The following PPEF1 variants were observed in gnomAD, a reference collection of about 807,000 sequenced individuals.
The protein encoded by PPEF1 is protein phosphatase with EF-hand domain 1.
Under a neutral mutation model 53.3 loss-of-function variants are expected in PPEF1, and 12 were observed. The observed-to-expected ratio is 0.23, with a 90% CI of 0.14 to 0.36. The LOEUF is 0.36. Among genes scored for constraint, PPEF1 ranks in the 10% least tolerant of loss-of-function variants. The pLI is 1.00. For synonymous variants in PPEF1, 165 were observed against 176.7 expected (o/e 0.93, Z 0.52); for missense variants, 334 against 490.4 (o/e 0.68, Z 3.01).
intron 4 of PPEF1, among the ~76,000 whole-genome samples, chrX:18,751,409 G>A (rs895804447): frequency 5.4e-5 from 6 of 112,022 alleles, no homozygotes; most frequent in African/African-American, 1.3e-4. Context: ...TTTGCATATG[G>A]ATATGCATTG....
chrX:18,825,558 T>G (rs893641516), intron 14 of PPEF1, among the ~76,000 whole-genome samples, 193 bp from the exon 15 acceptor site: 3 of 112,299 alleles, frequency 2.7e-5, no homozygotes, highest in African/African-American at 9.7e-5. Flanking sequence ...CTTATTCATT[T>G]TGGCCCTGTC....
At chrX:18,696,319 A>T (rs1602349224) in intron 4 of PPEF1, among the ~76,000 whole-genome samples, 1 of 95,745 alleles carries the variant, frequency 1.0e-5, no homozygotes, top group Non-Finnish European at 2.1e-5. Context: ...CACCCAGCTA[A>T]TTTTTTTTTT....
intron 1 of PPEF1, among the ~76,000 whole-genome samples, chrX:18,725,923 C>G (rs2044695855): frequency 9.0e-6 from 1 of 111,135 alleles, no homozygotes; most frequent in Non-Finnish European, 1.9e-5. Context: ...AGCAGCTCCT[C>G]CCTTGGAGAG....
At chrX:18,689,569 A>G (rs1929251328) in intron 3 of PPEF1, among the ~76,000 whole-genome samples, 1 of 109,538 alleles carries the variant, frequency 9.1e-6, no homozygotes, top group Admixed American at 9.6e-5. Context: ...AGTATGCTTC[A>G]CTGTCACCTG....
intron 6 of PPEF1, among the ~76,000 whole-genome samples, chrX:18,766,156 A>C (rs1371498953): frequency 1.8e-5 from 2 of 110,339 alleles, no homozygotes; most frequent in African/African-American, 3.3e-5. Context: ...GGAGAATGAC[A>C]CGTAGAGCTT....
Position 18,804,129 on chromosome X carries a change from A to T in PPEF1, c.1251+52A>T, listed in dbSNP as rs760653226. 4 of 1,060,455 alleles carry T rather than the reference A, an allele frequency of 3.8e-6. No homozygotes were observed. In the African/African-American group the frequency reaches 7.6e-5, roughly 20 times the overall value. The allele number at this position is 1,060,455 out of a possible 1,213,427, so 87.4% of individuals were successfully genotyped here. ...CCATAAACATCCTTCCCCTAAGCAC[A>T]GTCTTTTCTTCACAGAGCATGTCTG... On this transcript the variant is annotated intron_variant, in intron 11 of 15. Coordinates refer to ENST00000470157, the MANE Select transcript of PPEF1 (RefSeq NM_001377996.1).
chrX:18,777,237 C>A (rs922610131), intron 6 of PPEF1, among the ~76,000 whole-genome samples: 1 of 112,162 alleles, frequency 8.9e-6, no homozygotes, highest in Non-Finnish European at 1.9e-5. Context: ...AAATTGCCTT[C>A]AGAACATGTT....
At chrX:18,741,162 A>G (rs2045151221) in intron 3 of PPEF1, among the ~76,000 whole-genome samples, 1 of 111,689 alleles carries the variant, frequency 9.0e-6, no homozygotes. Flanking sequence ...GTACTTTGCC[A>G]TTTTTTCTTT....
intron 10 of PPEF1, among the ~76,000 whole-genome samples, chrX:18,794,337 A>G (rs2046385572): frequency 8.8e-6 from 1 of 113,014 alleles, no homozygotes; most frequent in Non-Finnish European, 1.9e-5. Flanking sequence ...TGTTTTCAAC[A>G]GTGCCTTTAG....
intron 13 of PPEF1, among the ~76,000 whole-genome samples, chrX:18,823,142 T>A (rs1326429719): frequency 9.0e-6 from 1 of 111,293 alleles, no homozygotes; most frequent in Non-Finnish European, 1.9e-5. Flanking sequence ...CAAAGGAGTC[T>A]TTTCAATAAA....
intron 13 of PPEF1, among the ~76,000 whole-genome samples, chrX:18,818,683 G>A (rs917944392): frequency 1.1e-4 from 12 of 111,710 alleles, no homozygotes; most frequent in Non-Finnish European, 1.7e-4. Context: ...TATTCTGATA[G>A]TATGCTAGAC....
chrX:18,733,621 G>A lies in PPEF1; in HGVS notation c.175-127G>A, dbSNP rs998418050. 9.7e-6 allele frequency: 5 copies of A among 513,350 alleles called. No individual in the cohort carries two copies. The African/African-American group carries it at 1.2e-4, about 13-fold the overall frequency. The allele number at this position is 513,350 out of a possible 1,213,427, so 42.3% of individuals were successfully genotyped here. On this transcript the variant is annotated intron_variant, in intron 2 of 15. Coordinates refer to ENST00000470157, the MANE Select transcript of PPEF1 (RefSeq NM_001377996.1). ...GAGGCAGGCATAGAAGTGACCCTTA[G>A]CACCTGCAGCAGCTGAGATACAAAT...
chrX:18,766,065 CAAAAAA>C (rs61277288), intron 6 of PPEF1, among the ~76,000 whole-genome samples: 13 of 63,976 alleles, frequency 2.0e-4, no homozygotes, highest in Non-Finnish European at 3.1e-4. Context: ...AACTCTGTCT[CAAAAAA>C]AAAAAAAAAA....
At chrX:18,821,186 G>A (rs2047032535) in intron 13 of PPEF1, among the ~76,000 whole-genome samples, 1 of 98,690 alleles carries the variant, frequency 1.0e-5, no homozygotes, top group Non-Finnish European at 2.0e-5. Context: ...TTGCGCCACT[G>A]CACTCCAGAC....
chrX:18,800,856 A>G (rs1056706337), intron 10 of PPEF1, among the ~76,000 whole-genome samples: 29 of 111,645 alleles, frequency 2.6e-4, no homozygotes, highest in African/African-American at 9.1e-4. Flanking sequence ...GGGCAACTAT[A>G]TATGTTAAGG....
intron 6 of PPEF1, among the ~76,000 whole-genome samples, chrX:18,772,529 G>A (rs900439958): frequency 5.4e-5 from 6 of 111,821 alleles, no homozygotes; most frequent in African/African-American, 1.9e-4. Context: ...AATGAGTTAG[G>A]GAGGATTCCC....
chrX:18,745,333 G>C (rs12008248), intron 3 of PPEF1, among the ~76,000 whole-genome samples: 47,534 of 102,761 alleles, frequency 0.46, 9,048 homozygotes, highest in Non-Finnish European at 0.56. Flanking sequence ...CCTACCTCAG[G>C]CTCCCGAGTA....
At chrX:18,755,521 C>T (rs1408783774) in intron 4 of PPEF1, among the ~76,000 whole-genome samples, 3 of 112,123 alleles carry the variant, frequency 2.7e-5, no homozygotes, top group Non-Finnish European at 5.6e-5. Context: ...GAGCCGAGAT[C>T]GTGCCACCGC....
chrX:18,721,533 T>C (rs2044589593), intron 1 of PPEF1, among the ~76,000 whole-genome samples: 1 of 111,069 alleles, frequency 9.0e-6, no homozygotes, highest in Admixed American at 9.6e-5. Context: ...TTAGAGTATT[T>C]GGTAACTGGA....
Sources: gnomAD v4.1 joint callset for allele counts (sites outside exome capture counted in the v4.1 genomes callset) on GRCh38, gnomAD v4.1.1 for gene constraint, MANE v1.5 for transcripts, NCBI Gene and HGNC (gene_info 2026-07-23, HGNC 2026-07-21) for gene names.